The following TTC38 variants were observed in gnomAD, a reference collection of about 807,000 sequenced individuals.
The protein encoded by TTC38 is tetratricopeptide repeat protein 38.
In TTC38, 64 loss-of-function variants were observed where a neutral mutation model predicts 64.2. The ratio of observed to expected loss-of-function variants is 1.00; its 90% CI spans 0.81 to 1.23. The LOEUF is 1.23. Among genes scored for constraint, TTC38 ranks in the 50% most tolerant of loss-of-function variants. The probability of loss-of-function intolerance (pLI) is 0.00; values close to 1 mark genes in which losing one functional copy is unlikely to be tolerated. For synonymous variants in TTC38, 254 were observed against 249.3 expected (o/e 1.02, Z -0.18); for missense variants, 573 against 615.5 (o/e 0.93, Z 0.73).
rs1199957912 is a variant in TTC38 at position 46,282,851 on chromosome 22, C to T, written c.736-1122C>T. Reference sequence around the variant, plus strand: ...CAGCCTAAGGTAGCCACCCACATACCACCCACTCCCCTGGCTCTCGGGGCT... The same window carrying T: ...CAGCCTAAGGTAGCCACCCACATACTACCCACTCCCCTGGCTCTCGGGGCT... On this transcript the variant is annotated intron_variant, in intron 7 of 13. Transcript: ENST00000381031. The surrounding 1 kb of genome is among the most constrained non-coding windows in gnomAD (Gnocchi z 4.4). Among the ~76,000 whole-genome samples the T allele has an allele frequency of 6.6e-6, 1 of 152,196 alleles. No individual in the cohort carries two copies. Among genetic ancestry groups the T allele is most frequent in the Admixed American group, 6.5e-5 (1 of 15,280 alleles).
In TTC38 at chr22:46,281,907, C is replaced by T. The variant is rs2077537883; in HGVS notation, c.735+189C>T. ...GCAATCAAGATTCCAGTCCCCACCC[C>T]AGGCCCATACCTTGCCCTAGGGACT... On this transcript the variant is annotated intron_variant, in intron 7 of 13. Coordinates refer to ENST00000381031, the MANE Select transcript of TTC38 (RefSeq NM_017931.4). This position sits in a 1 kb window ranked among gnomAD's most constrained non-coding sequence, Gnocchi z 5.2. 4 of 751,396 alleles carry T rather than the reference C, an allele frequency of 5.3e-6. No individual in the cohort carries two copies. Among genetic ancestry groups the T allele is most frequent in the South Asian group, 3.2e-5 (2 of 62,332 alleles). 46.5% of individuals were successfully genotyped at this position (751,396 alleles called of 1,614,324 possible).
intron 6 of TTC38, among the ~76,000 whole-genome samples, chr22:46,279,643 C>T (rs2077519198): frequency 6.6e-6 from 1 of 152,242 alleles, no homozygotes; most frequent in Non-Finnish European, 1.5e-5. Context: ...GCCCAAGGGT[C>T]GCTGCGCTCT....
chr22:46,291,616 G>A lies in TTC38; in HGVS notation c.1317-1175G>A, dbSNP rs943913369. 3.3e-5 allele frequency among the ~76,000 whole-genome samples: 5 copies of A among 152,168 alleles called. No homozygotes were observed. The highest frequency in any genetic ancestry group is 6.5e-5 in the Admixed American group (1 of 15,284). On this transcript the variant is annotated intron_variant, in intron 13 of 13. Coordinates refer to ENST00000381031, the MANE Select transcript of TTC38 (RefSeq NM_017931.4). This position sits in a 1 kb window ranked among gnomAD's most constrained non-coding sequence, Gnocchi z 4.6. ...ACGCCCTCTAGAACCACTGTTTTCA[G>A]GTGTTTGGGGGCTGTCTTAGTCAGT...
intron 2 of TTC38, chr22:46,269,063 C>G (rs1176912253): frequency 5.1e-6 from 2 of 389,784 alleles, no homozygotes; most frequent in East Asian, 8.5e-5. Flanking sequence ...TACTGGAGGA[C>G]GTGGGAGGGT....
intron 9 of TTC38, among the ~76,000 whole-genome samples, chr22:46,285,723 G>A (rs1003399670): frequency 4.0e-5 from 6 of 151,552 alleles, no homozygotes; most frequent in African/African-American, 1.2e-4. Context: ...ATAAAATTAC[G>A]TGTACAAGGC....
rs6008473 is a variant in TTC38 at position 46,278,742 on chromosome 22, G to A, written c.615+81G>A. 153,243 of 1,126,556 alleles carry A rather than the reference G, an allele frequency of 0.14. 15,113 individuals are homozygous for A. The highest frequency in any genetic ancestry group is 0.48 in the African/African-American group (31,118 of 65,370). The allele number at this position is 1,126,556 out of a possible 1,614,324, so 69.8% of individuals were successfully genotyped here. Reference sequence around the variant, plus strand: ...CCAGGGCATATGAGGGGCACCATTCGTGTGTGACCCCGGCGAACCCCATCC... The same window carrying A: ...CCAGGGCATATGAGGGGCACCATTCATGTGTGACCCCGGCGAACCCCATCC... On this transcript the variant is annotated intron_variant, in intron 6 of 13. Coordinates refer to ENST00000381031, the MANE Select transcript of TTC38 (RefSeq NM_017931.4).
chr22:46,268,757 T>C, intron 2 of TTC38, 166 bp downstream of exon 2: 1 of 640,836 alleles, frequency 1.6e-6, no homozygotes, highest in Non-Finnish European at 2.6e-6. Flanking sequence ...CTATTTCGGC[T>C]CACTGCAAGC....
In TTC38 at chr22:46,282,413, T is replaced by G. The variant is rs1255699734; in HGVS notation, c.735+695T>G. ...GGAAAGGCTAGCACCATGGTGGAGG[T>G]GGGCCCTCTGGACAGACGGGGCTGC... On this transcript the variant is annotated intron_variant, in intron 7 of 13. Transcript: ENST00000381031. The surrounding 1 kb of genome is among the most constrained non-coding windows in gnomAD (Gnocchi z 4.4). Among the ~76,000 whole-genome samples the G allele has an allele frequency of 6.6e-6, 1 of 152,076 alleles. No individual in the cohort carries two copies. Among genetic ancestry groups the G allele is most frequent in the Non-Finnish European group, 1.5e-5 (1 of 67,996 alleles).
At chr22:46,289,336 T>C in intron 11 of TTC38, 66 bp from the exon 12 acceptor site, 1 of 1,560,546 alleles carries the variant, frequency 6.4e-7, no homozygotes, top group Non-Finnish European at 8.7e-7. Context: ...GAGGAAGAAA[T>C]GGCTCTGCCC....
At chr22:46,289,331 A>G (rs1432779719) in intron 11 of TTC38, 71 bp from the exon 12 acceptor site, 2 of 1,552,906 alleles carry the variant, frequency 1.3e-6, no homozygotes, top group Non-Finnish European at 1.7e-6. Context: ...TCGCTGAGGA[A>G]GAAATGGCTC....
rs183958451 is a variant in TTC38, at chr22:46,291,951, A to G, written c.1317-840A>G. On this transcript the variant is annotated intron_variant, in intron 13 of 13. Coordinates refer to ENST00000381031, the MANE Select transcript of TTC38 (RefSeq NM_017931.4). This position sits in a 1 kb window ranked among gnomAD's most constrained non-coding sequence, Gnocchi z 4.6. ...AGCCTGAGTGACCGAGGGAGATTCTATCTCAAAAAATTAAAAAATAAAAGT... is the reference window on the plus strand; with the variant it reads ...AGCCTGAGTGACCGAGGGAGATTCTGTCTCAAAAAATTAAAAAATAAAAGT... 3.5e-3 allele frequency among the ~76,000 whole-genome samples: 516 copies of G among 148,284 alleles called. 5 individuals carry two copies. Among genetic ancestry groups the G allele is most frequent in the African/African-American group, 0.013 (502 of 37,860 alleles).
Position 46,275,990 on chromosome 22 carries a change from G to A in TTC38, c.539+569G>A, listed in dbSNP as rs1937000070. Among the ~76,000 whole-genome samples, 1 of 152,162 alleles carries A rather than the reference G, an allele frequency of 6.6e-6. No homozygotes were observed. The highest frequency in any genetic ancestry group is 2.1e-4 in the South Asian group (1 of 4,822). On this transcript the variant is annotated intron_variant, in intron 5 of 13. Transcript: ENST00000381031. This position sits in a 1 kb window ranked among gnomAD's most constrained non-coding sequence, Gnocchi z 4.5. The stretch of plus-strand genomic sequence containing the variant: ...ACCGTGTGCTTGGGAAGAGAAGAAG[G>A]CCTGGAATGTGCATGAACAGCCCCA...
rs538861360 is a variant in TTC38, at chr22:46,285,865, A to AT, written c.834+588dup. Among the ~76,000 whole-genome samples, 21 of 151,796 alleles carry AT rather than the reference A, an allele frequency of 1.4e-4. No individual in the cohort carries two copies. In the East Asian group the frequency reaches 3.9e-3, roughly 28 times the overall value. On this transcript the variant is annotated intron_variant, in intron 9 of 13. Transcript: ENST00000381031. ...CTGTCTCTACTAAAAATACAAAAAA[A>AT]TTAGCTAGGCGTGGTGGTGGGCACC...
rs760344639 is a variant in TTC38, at chr22:46,272,190, C to T, written c.112-145C>T. The T allele has an allele frequency of 7.9e-5, 46 of 583,100 alleles. No individual in the cohort carries two copies. Among genetic ancestry groups the T allele is most frequent in the South Asian group, 4.7e-4 (25 of 53,140 alleles). The allele number at this position is 583,100 out of a possible 1,614,324, so 36.1% of individuals were successfully genotyped here. A position where few individuals can be genotyped will look rare whatever the true frequency, so the allele number is the denominator to read the frequency against. On this transcript the variant is annotated intron_variant, in intron 2 of 13. Coordinates refer to ENST00000381031, the MANE Select transcript of TTC38 (RefSeq NM_017931.4). The surrounding 1 kb of genome is among the most constrained non-coding windows in gnomAD (Gnocchi z 6.4). ...ATTTTTAGTAGAGATGGGGTTTTAC[C>T]GTGTTGGTCAGGCTGGTCTCGAACT... is the stretch of plus-strand genomic sequence containing the variant.
rs951050126 is a variant in TTC38 at position 46,270,528 on chromosome 22, G to A, written c.112-1807G>A. Among the ~76,000 whole-genome samples the A allele has an allele frequency of 1.3e-5, 2 of 152,106 alleles. No homozygotes were observed. The highest frequency in any genetic ancestry group is 2.4e-5 in the African/African-American group (1 of 41,408). ...GAGTAAAGGACCAGGTACAAATACA[G>A]CAAATTGTTAAAAATGATGATGCGC... On this transcript the variant is annotated intron_variant, in intron 2 of 13. Transcript: ENST00000381031. The surrounding 1 kb of genome is among the most constrained non-coding windows in gnomAD (Gnocchi z 4.7).
chr22:46,285,340 G>A, intron 9 of TTC38, 61 bp downstream of exon 9: 6 of 1,525,394 alleles, frequency 3.9e-6, no homozygotes, highest in Non-Finnish European at 5.5e-6. Flanking sequence ...GTCTCAAAGA[G>A]ACCAGATTTT....
intron 2 of TTC38, among the ~76,000 whole-genome samples, chr22:46,269,820 T>C (rs1685452796): frequency 1.3e-5 from 2 of 152,112 alleles, no homozygotes; most frequent in African/African-American, 4.8e-5. Context: ...TGAGACGGAG[T>C]CTTGCCCTGT....
At position 46,276,652 on chromosome 22, in the gene TTC38, T is replaced by G. The variant is rs2077489116; in HGVS notation, c.539+1231T>G. Among the ~76,000 whole-genome samples, 1 of 151,100 alleles carries G rather than the reference T, an allele frequency of 6.6e-6. No individual in the cohort carries two copies. Among genetic ancestry groups the G allele is most frequent in the African/African-American group, 2.4e-5 (1 of 41,122 alleles). Reference sequence around the variant, plus strand: ...GTTTGAGGCTGCAGTGAGCTGGCGATCATGCCACTGCACTCAGCCTGGGCA... The same window carrying G: ...GTTTGAGGCTGCAGTGAGCTGGCGAGCATGCCACTGCACTCAGCCTGGGCA... On this transcript the variant is annotated intron_variant, in intron 5 of 13. Transcript: ENST00000381031. The surrounding 1 kb of genome is among the most constrained non-coding windows in gnomAD (Gnocchi z 4.7).
intron 13 of TTC38, 29 bp downstream of exon 13, chr22:46,289,928 C>G (rs776321848): frequency 1.2e-6 from 2 of 1,600,798 alleles, no homozygotes; most frequent in Admixed American, 1.7e-5. Flanking sequence ...CCCAGCACTC[C>G]CGACCTTCAC....
Sources: allele counts gnomAD v4.1 joint callset (sites outside exome capture counted in the v4.1 genomes callset), GRCh38; gene constraint gnomAD v4.1.1; non-coding constraint Gnocchi (gnomAD v3.1); transcripts MANE v1.5; gene names NCBI Gene and HGNC (gene_info 2026-07-23, HGNC 2026-07-21).